IFNGR2: variants seen among roughly 807,000 people sequenced by gnomAD.
IFNGR2 encodes the protein interferon gamma receptor 2, also known as IFN-gamma receptor 2.
IFNGR2 carries 15 observed loss-of-function variants against 41.1 expected under a neutral mutation model. That is an observed-to-expected ratio of 0.37 (90% CI 0.24 to 0.56). The LOEUF is 0.56. IFNGR2 is among the 20% of genes least tolerant of loss of function. The pLI is 0.81. For missense variants in IFNGR2, 362 were observed against 415.7 expected, an observed-to-expected ratio of 0.87 and a Z score of 1.12; for synonymous variants, 161 against 171.6, an observed-to-expected ratio of 0.94 and a Z score of 0.48.
At chr21:33,427,750 A>G (rs115503088) in intron 4 of IFNGR2, among the ~76,000 whole-genome samples, 94 of 150,904 alleles carry the variant, frequency 6.2e-4, no homozygotes, top group Middle Eastern at 3.5e-3. Context: ...ATTCAACATT[A>G]TGATGGTTTT....
rs1247463060 is a variant in IFNGR2, at chr21:33,432,259, A to C, written c.644A>C (p.Gln215Pro). 6.2e-7 allele frequency: 1 copy of C among 1,614,040 alleles called. No individual in the cohort carries two copies. Among genetic ancestry groups the C allele is most frequent in the African/African-American group, 1.3e-5 (1 of 75,064 alleles). Reference protein sequence around the residue: ...SRVYCLQVQAQLLWNKSNIFR... With the variant: ...SRVYCLQVQAPLLWNKSNIFR... The stretch of plus-strand genomic sequence containing the variant: ...GTGTACTGTTTACAAGTCCAGGCAC[A>C]ACTGCTTTGGAACAAAAGTAACATC... Residue 215 changes from glutamine (Q) to proline (P), a missense_variant, in exon 5 of 7, where the codon CAA (glutamine) becomes CCA (proline). By Grantham distance (76) the Gln-to-Pro change is moderately conservative (BLOSUM62 -1). Transcript: ENST00000290219.
intron 4 of IFNGR2, among the ~76,000 whole-genome samples, chr21:33,427,601 G>T (rs545878834): frequency 6.6e-6 from 1 of 152,262 alleles, no homozygotes; most frequent in Admixed American, 6.5e-5. Context: ...TGACAGAGGT[G>T]CATGACATCA....
intron 3 of IFNGR2, among the ~76,000 whole-genome samples, chr21:33,423,638 G>A (rs1379973837): frequency 2.0e-5 from 3 of 151,516 alleles, no homozygotes; most frequent in African/African-American, 4.9e-5. Context: ...TCCTGACCTC[G>A]TGATCCGCCC....
chr21:33,433,928 G>A (rs1191816083), intron 6 of IFNGR2, among the ~76,000 whole-genome samples: 5 of 152,072 alleles, frequency 3.3e-5, no homozygotes, highest in African/African-American at 4.8e-5. Context: ...GCTGGAGGAC[G>A]TGAAGGCGGT....
At chr21:33,430,112 C>G (rs1274364666) in intron 4 of IFNGR2, among the ~76,000 whole-genome samples, 1 of 152,214 alleles carries the variant, frequency 6.6e-6, no homozygotes, top group Non-Finnish European at 1.5e-5. Context: ...GCACTCCAGC[C>G]TGGGCAACGG....
In IFNGR2 at chr21:33,405,120, A is replaced by G. The variant is rs886316077; in HGVS notation, c.73+1504A>G. ...CTGTCTCAGAAAAAAAAAAAAAAAAAAAAGAAAAAGAGGAAAAGACCTTAA... is the reference window on the plus strand; with the variant it reads ...CTGTCTCAGAAAAAAAAAAAAAAAAGAAAGAAAAAGAGGAAAAGACCTTAA... On this transcript the variant is annotated intron_variant, in intron 1 of 6. Transcript: ENST00000290219. Among the ~76,000 whole-genome samples the G allele has an allele frequency of 7.3e-4, 110 of 150,670 alleles. 4 individuals are homozygous for G. The highest frequency in any genetic ancestry group is 2.3e-3 in the African/African-American group (94 of 40,596).
rs1242602526 is a variant in IFNGR2, at chr21:33,410,970, G to T, written c.74-3918G>T. 7 of 1,061,836 alleles carry T rather than the reference G, an allele frequency of 6.6e-6. No individual in the cohort carries two copies. In the African/African-American group the frequency reaches 7.9e-5, roughly 12 times the overall value. 65.8% of individuals were successfully genotyped at this position (1,061,836 alleles called of 1,614,324 possible). A position where few individuals can be genotyped will look rare whatever the true frequency, so the allele number is the denominator to read the frequency against. Reference sequence around the variant, plus strand: ...ACTGCTCCTTCTCCCCAGCCTTCCAGCCCTGGTGTTTCCCATCGGGGGCCA... The same window carrying T: ...ACTGCTCCTTCTCCCCAGCCTTCCATCCCTGGTGTTTCCCATCGGGGGCCA... On this transcript the variant is annotated intron_variant, in intron 1 of 6. Transcript: ENST00000290219.
At chr21:33,406,549 G>A (rs1477051264) in intron 1 of IFNGR2, among the ~76,000 whole-genome samples, 1 of 151,518 alleles carries the variant, frequency 6.6e-6, no homozygotes, top group Non-Finnish European at 1.5e-5. Flanking sequence ...ATGATTATAT[G>A]GCAAATGGGT....
intron 2 of IFNGR2, among the ~76,000 whole-genome samples, chr21:33,416,195 A>AC (rs889119964): frequency 2.6e-5 from 4 of 151,856 alleles, no homozygotes; most frequent in Non-Finnish European, 5.9e-5. Context: ...AGATAATTCA[A>AC]CCCCCCATCA....
At chr21:33,432,967 C>T (rs767753849) in intron 6 of IFNGR2, 96 bp downstream of exon 6, 25 of 1,016,616 alleles carry the variant, frequency 2.5e-5, no homozygotes, top group Non-Finnish European at 3.3e-5. Context: ...CTCACTGCAG[C>T]CTCCATCTCC....
intron 2 of IFNGR2, among the ~76,000 whole-genome samples, chr21:33,417,958 T>C (rs1437399580): frequency 6.6e-6 from 1 of 152,216 alleles, no homozygotes; most frequent in Admixed American, 6.5e-5. Flanking sequence ...TTTCACTTTG[T>C]CTTCTTTTCA....
chr21:33,404,814 C>T (rs969453191), intron 1 of IFNGR2, among the ~76,000 whole-genome samples: 5 of 152,184 alleles, frequency 3.3e-5, no homozygotes, highest in African/African-American at 1.2e-4. Context: ...CAGCTGACCA[C>T]GCTTATGAGC....
At chr21:33,415,826 A>G (rs553879653) in intron 2 of IFNGR2, among the ~76,000 whole-genome samples, 126 of 151,408 alleles carry the variant, frequency 8.3e-4, no homozygotes, top group Middle Eastern at 3.4e-3. Context: ...TAGTTTTCCA[A>G]TGTGTGTGTG....
intron 6 of IFNGR2, among the ~76,000 whole-genome samples, chr21:33,435,892 A>AG (rs2083942399): frequency 6.7e-6 from 1 of 150,092 alleles, no homozygotes; most frequent in South Asian, 2.1e-4. Context: ...CAAAAAAAAA[A>AG]AAAAAAAAAA....
intron 1 of IFNGR2, among the ~76,000 whole-genome samples, chr21:33,412,595 G>T (rs1166901283): frequency 1.3e-5 from 2 of 152,138 alleles, no homozygotes; most frequent in Non-Finnish European, 2.9e-5. Context: ...CCGCTCTGTC[G>T]CCCAGGCTGG....
At chr21:33,425,797 A>C (rs962763297) in intron 3 of IFNGR2, among the ~76,000 whole-genome samples, 1 of 152,164 alleles carries the variant, frequency 6.6e-6, no homozygotes, top group Non-Finnish European at 1.5e-5. Flanking sequence ...GCACAGAGAG[A>C]AGCTTGGCCA....
At chr21:33,411,421 C>G (rs755233655) in intron 1 of IFNGR2, 3 of 470,858 alleles carry the variant, frequency 6.4e-6, no homozygotes, top group South Asian at 4.6e-5. Flanking sequence ...GAAGAAGAGA[C>G]TATTCCTGTT....
At chr21:33,422,877 C>CAAAAAAAAAAAAAA (rs71194843) in intron 3 of IFNGR2, among the ~76,000 whole-genome samples, 2 of 34,948 alleles carry the variant, frequency 5.7e-5, no homozygotes, top group African/African-American at 1.4e-4. Flanking sequence ...AACTCCATCT[C>CAAAAAAAAAAAAAA]AAAAAAAAAA....
intron 2 of IFNGR2, among the ~76,000 whole-genome samples, chr21:33,417,418 A>G (rs2083761878): frequency 6.6e-6 from 1 of 152,120 alleles, no homozygotes; most frequent in Admixed American, 6.6e-5. Context: ...TGTCCGTTGT[A>G]ACAGTATTTG....
Sources: allele counts gnomAD v4.1 joint callset (sites outside exome capture counted in the v4.1 genomes callset), GRCh38; gene constraint gnomAD v4.1.1; transcripts MANE v1.5; gene names NCBI Gene and HGNC (gene_info 2026-07-23, HGNC 2026-07-21).